Variants in TRIQK observed in about 807,000 individuals in gnomAD.
The protein encoded by TRIQK is triple QxxK/R motif-containing protein.
A neutral mutation model predicts 10.8 loss-of-function variants in TRIQK; 10 were observed. The observed-to-expected ratio is 0.92, with a 90% CI of 0.57 to 1.57. The LOEUF (loss-of-function observed/expected upper bound fraction) is 1.57, where lower values mean the gene tolerates loss of function less well. Ranked by LOEUF, TRIQK falls within the 40% of genes most tolerant of loss-of-function variation. The pLI, the probability that TRIQK is intolerant of heterozygous loss-of-function variation, is 0.00. For synonymous variants in TRIQK, 33 were observed against 33.7 expected, an observed-to-expected ratio of 0.98 and a Z score of 0.07; for missense variants, 107 against 97.7, an observed-to-expected ratio of 1.09 and a Z score of -0.40.
At chr8:92,969,580 TTTTA>T (rs775253892), upstream of TRIQK, among the ~76,000 whole-genome samples, 3 of 151,284 alleles carry the variant, frequency 2.0e-5, no homozygotes, top group Non-Finnish European at 4.4e-5. Context: ...TTTAAAAACA[TTTTA>T]TTTATTTATT....
chr8:92,919,398 C>T (rs1434085424), intron 2 of TRIQK, among the ~76,000 whole-genome samples: 10 of 151,742 alleles, frequency 6.6e-5, no homozygotes, highest in Non-Finnish European at 1.5e-4. Context: ...CTGAAATAAT[C>T]GTATGGTGTT....
chr8:92,961,170 CTTGA>C (rs1812437768), intron 1 of TRIQK, among the ~76,000 whole-genome samples: 1 of 152,120 alleles, frequency 6.6e-6, no homozygotes, highest in Non-Finnish European at 1.5e-5. Context: ...TCTTGTTTCA[CTTGA>C]TTTATTTTCA....
At chr8:92,948,301 T>G (rs964743166) in intron 2 of TRIQK, among the ~76,000 whole-genome samples, 1 of 152,212 alleles carries the variant, frequency 6.6e-6, no homozygotes, top group African/African-American at 2.4e-5. Context: ...ATTGCTTACT[T>G]GGAATGCTGC....
At chr8:92,911,976 T>A (rs1323390597) in intron 3 of TRIQK, among the ~76,000 whole-genome samples, 1 of 148,380 alleles carries the variant, frequency 6.7e-6, no homozygotes, top group African/African-American at 2.5e-5. Context: ...ACTGAAGAAA[T>A]AGAAAGCAAT....
chr8:92,897,876 C>T (rs1410040283), intron 3 of TRIQK, among the ~76,000 whole-genome samples: 2 of 151,870 alleles, frequency 1.3e-5, no homozygotes, highest in Admixed American at 6.6e-5. Context: ...TATAGTTATG[C>T]CTTAGCCTTC....
chr8:93,004,186 C>T (rs900888667), intron 1 of TRIQK, among the ~76,000 whole-genome samples: 2 of 152,202 alleles, frequency 1.3e-5, no homozygotes, highest in African/African-American at 2.4e-5. Context: ...GACTTCTTCA[C>T]GGACACCCAG....
chr8:92,951,907 A>T (rs2130669607), intron 2 of TRIQK, among the ~76,000 whole-genome samples: 1 of 152,234 alleles, frequency 6.6e-6, no homozygotes, highest in East Asian at 1.9e-4. Context: ...TGAAGTTCAC[A>T]GTCCAAAAGC....
intron 1 of TRIQK, among the ~76,000 whole-genome samples, chr8:92,993,111 G>A (rs540773899): frequency 4.6e-5 from 7 of 152,068 alleles, no homozygotes; most frequent in East Asian, 1.9e-4. Flanking sequence ...TCAGTCATTG[G>A]TAAGGCTGTT....
intron 2 of TRIQK, among the ~76,000 whole-genome samples, chr8:92,948,459 A>ATGAAC (rs1194182620): frequency 1.3e-5 from 2 of 152,220 alleles, no homozygotes; most frequent in Admixed American, 6.5e-5. Flanking sequence ...ATGAAATGAA[A>ATGAAC]TGAACAATGA....
At chr8:92,979,565 T>C (rs1812965927) in intron 1 of TRIQK, among the ~76,000 whole-genome samples, 1 of 152,120 alleles carries the variant, frequency 6.6e-6, no homozygotes, top group African/African-American at 2.4e-5. Flanking sequence ...CATTAACTTT[T>C]AAATGGTTTT....
chr8:92,973,472 A>T (rs1471731750), intron 1 of TRIQK: 1 of 152,208 alleles, frequency 6.6e-6, no homozygotes, highest in African/African-American at 2.4e-5. Context: ...TTTCTGTCTT[A>T]TGCCTTTGAT....
At chr8:92,952,048 A>G (rs1811938365) in intron 2 of TRIQK, among the ~76,000 whole-genome samples, 2 of 152,034 alleles carry the variant, frequency 1.3e-5, no homozygotes, top group South Asian at 4.1e-4. Flanking sequence ...ATATCTGGCT[A>G]TCAAGAAAAA....
chr8:92,976,941 A>G (rs1812939279), intron 1 of TRIQK, among the ~76,000 whole-genome samples: 1 of 151,880 alleles, frequency 6.6e-6, no homozygotes, highest in Non-Finnish European at 1.5e-5. Flanking sequence ...ATTGTCATGT[A>G]TTTTATCTCT....
chr8:92,982,907 A>G (rs760200357), intron 1 of TRIQK, among the ~76,000 whole-genome samples: 4 of 151,894 alleles, frequency 2.6e-5, no homozygotes, highest in Non-Finnish European at 5.9e-5. Flanking sequence ...TCCTTGCTGA[A>G]CTGAATTTGA....
intron 3 of TRIQK, among the ~76,000 whole-genome samples, chr8:92,901,189 G>A (rs1484284522): frequency 6.6e-6 from 1 of 152,068 alleles, no homozygotes; most frequent in Non-Finnish European, 1.5e-5. Flanking sequence ...CATATCATCT[G>A]CAAACAAGGA....
At chr8:92,892,172 G>A (rs1816802270) in intron 3 of TRIQK, 98 bp from the exon 4 acceptor site, 1 of 863,730 alleles carries the variant, frequency 1.2e-6, no homozygotes, top group Admixed American at 3.0e-5. Flanking sequence ...CAGTGAAACA[G>A]GGACACGGAG....
intron 3 of TRIQK, among the ~76,000 whole-genome samples, chr8:92,908,503 T>C (rs935868687): frequency 3.3e-4 from 50 of 152,160 alleles, no homozygotes; most frequent in African/African-American, 1.1e-3. Context: ...CAAATGGACT[T>C]GCTCCTGCAC....
At chr8:92,919,599 C>A (rs1810065117) in intron 2 of TRIQK, among the ~76,000 whole-genome samples, 1 of 151,330 alleles carries the variant, frequency 6.6e-6, no homozygotes, top group Admixed American at 6.6e-5. Flanking sequence ...TGTAGTATTC[C>A]TTTTTTTTAT....
At chr8:92,938,786 T>C (rs541793670) in intron 2 of TRIQK, among the ~76,000 whole-genome samples, 28 of 152,182 alleles carry the variant, frequency 1.8e-4, no homozygotes, top group Non-Finnish European at 3.5e-4. Context: ...CTATCTGCTG[T>C]TAATACCATA....
Sources: allele counts gnomAD v4.1 joint callset (sites outside exome capture counted in the v4.1 genomes callset), GRCh38; gene constraint gnomAD v4.1.1; transcripts MANE v1.5; gene names NCBI Gene and HGNC (gene_info 2026-07-23, HGNC 2026-07-21).